Variants in MYRIP observed in about 807,000 individuals in gnomAD.
MYRIP encodes the protein rab effector MyRIP.
A neutral mutation model predicts 98.0 loss-of-function variants in MYRIP; 49 were observed. The observed-to-expected ratio is 0.50, with a 90% CI of 0.40 to 0.63. The LOEUF (loss-of-function observed/expected upper bound fraction) is 0.63. Among genes scored for constraint, MYRIP ranks in the 30% least tolerant of loss-of-function variants. The probability of loss-of-function intolerance (pLI) is 0.00; values close to 1 mark genes in which losing one functional copy is unlikely to be tolerated. For synonymous variants in MYRIP, 404 were observed against 409.5 expected (o/e 0.99, Z 0.16); for missense variants, 1,004 against 1,058.2 (o/e 0.95, Z 0.71).
intron 1 of MYRIP, among the ~76,000 whole-genome samples, chr3:39,846,974 T>G (rs1941983131): frequency 6.6e-6 from 1 of 152,172 alleles, no homozygotes; most frequent in African/African-American, 2.4e-5. Flanking sequence ...CTCATTCTTT[T>G]TGTTCTATCC....
chr3:39,993,337 A>C (rs1276964324), intron 2 of MYRIP, among the ~76,000 whole-genome samples: 1 of 152,152 alleles, frequency 6.6e-6, no homozygotes, highest in African/African-American at 2.4e-5. Flanking sequence ...TCCAGCACAT[A>C]CTTTTTGGGG....
chr3:39,811,296 C>A (rs980502444), intron 1 of MYRIP, among the ~76,000 whole-genome samples: 5 of 152,110 alleles, frequency 3.3e-5, no homozygotes, highest in Non-Finnish European at 5.9e-5. Flanking sequence ...GAAATAATCC[C>A]CGCCGCCTTT....
intron 2 of MYRIP, among the ~76,000 whole-genome samples, chr3:40,030,449 TA>T (rs370265945): frequency 2.6e-5 from 4 of 152,064 alleles, no homozygotes; most frequent in East Asian, 1.9e-4. Flanking sequence ...CTCAAAAAGT[TA>T]AAAAAAGTGT....
At chr3:39,954,981 A>T (rs1169049213) in intron 2 of MYRIP, among the ~76,000 whole-genome samples, 1 of 152,146 alleles carries the variant, frequency 6.6e-6, no homozygotes, top group Non-Finnish European at 1.5e-5. Context: ...AAAAAAAAAG[A>T]GAGAAAAGAA....
chr3:39,886,959 T>G (rs2125652721), intron 1 of MYRIP, among the ~76,000 whole-genome samples: 1 of 151,952 alleles, frequency 6.6e-6, no homozygotes, highest in South Asian at 2.1e-4. Context: ...CCTCAGCAAA[T>G]GTAAAAGAAC....
intron 7 of MYRIP, among the ~76,000 whole-genome samples, chr3:40,167,665 C>T (rs1254528754): frequency 6.6e-6 from 1 of 152,198 alleles, no homozygotes; most frequent in East Asian, 1.9e-4. Flanking sequence ...GCCCCTACTT[C>T]AGACACCAGC....
chr3:40,112,405 G>A (rs192148738), intron 3 of MYRIP, among the ~76,000 whole-genome samples: 1 of 152,288 alleles, frequency 6.6e-6, no homozygotes, highest in Non-Finnish European at 1.5e-5. Flanking sequence ...GAGAACTATG[G>A]AAGGAATGAA....
At chr3:40,030,433 C>T (rs1378480807) in intron 2 of MYRIP, among the ~76,000 whole-genome samples, 2 of 152,046 alleles carry the variant, frequency 1.3e-5, no homozygotes, top group Non-Finnish European at 2.9e-5. Context: ...AACAGTCTGG[C>T]AGTTTCTCAA....
At chr3:40,059,411 C>T (rs565156581) in intron 3 of MYRIP, among the ~76,000 whole-genome samples, 70 of 152,278 alleles carry the variant, frequency 4.6e-4, no homozygotes, top group Admixed American at 5.9e-4. Context: ...AGTGTAAAAG[C>T]GTTCCTGTTT....
intron 1 of MYRIP, among the ~76,000 whole-genome samples, chr3:39,815,720 G>A (rs1940880413): frequency 6.6e-6 from 1 of 152,016 alleles, no homozygotes; most frequent in Non-Finnish European, 1.5e-5. Flanking sequence ...ACACTGCCTA[G>A]GGCCTCTGGC....
chr3:39,877,343 G>A (rs1483778381), intron 1 of MYRIP, among the ~76,000 whole-genome samples: 18 of 152,092 alleles, frequency 1.2e-4, no homozygotes, highest in East Asian at 5.8e-4. Flanking sequence ...CTCTCAGCTC[G>A]TCAAAGTCAT....
At position 40,167,198 on chromosome 3, in the gene MYRIP, G is replaced by A. The variant is rs772574018; in HGVS notation, c.688G>A (p.Glu230Lys). 4 of 1,614,080 alleles carry A rather than the reference G, an allele frequency of 2.5e-6. No homozygotes were observed. Among genetic ancestry groups the A allele is most frequent in the Middle Eastern group, 1.6e-4 (1 of 6,084 alleles). The part of the protein sequence containing the change: ...NEASYLRDHK[E>K]ELTEELATTI... The stretch of plus-strand genomic sequence containing the variant: ...GGCCAGTTACCTGCGGGACCACAAG[G>A]AGGAGCTAACTGAGGAACTGGCCAC... Residue 230 changes from glutamate to lysine, a missense_variant, in exon 7 of 17, where the codon GAG becomes AAG. By Grantham distance (56) the Glu-to-Lys change is moderately conservative. Coordinates refer to ENST00000302541, the MANE Select transcript of MYRIP (RefSeq NM_015460.4).
At chr3:39,887,302 A>T (rs1029431746) in intron 1 of MYRIP, among the ~76,000 whole-genome samples, 1 of 151,858 alleles carries the variant, frequency 6.6e-6, no homozygotes, top group Non-Finnish European at 1.5e-5. Flanking sequence ...GAGCAAACAC[A>T]TTCAAAAGCT....
chr3:39,883,350 G>C (rs186037528), intron 1 of MYRIP, among the ~76,000 whole-genome samples: 54 of 152,286 alleles, frequency 3.5e-4, no homozygotes, highest in Non-Finnish European at 2.6e-4. Context: ...GTCAGCACCT[G>C]ACGGAAACAA....
intron 2 of MYRIP, among the ~76,000 whole-genome samples, chr3:39,939,254 AT>A (rs1395552769): frequency 6.6e-6 from 1 of 152,184 alleles, no homozygotes; most frequent in Non-Finnish European, 1.5e-5. Context: ...CCTCTAAGGA[AT>A]TTTGACATGA....
chr3:40,152,954 C>CA (rs3063626), intron 4 of MYRIP, among the ~76,000 whole-genome samples: 13 of 147,382 alleles, frequency 8.8e-5, no homozygotes, highest in African/African-American at 3.3e-4. Flanking sequence ...CTGTCTCTAC[C>CA]AAAAAAAAAA....
At chr3:39,876,593 A>T (rs1943002705) in intron 1 of MYRIP, among the ~76,000 whole-genome samples, 1 of 151,580 alleles carries the variant, frequency 6.6e-6, no homozygotes, top group Non-Finnish European at 1.5e-5. Flanking sequence ...TTTCTCCTTC[A>T]TTTATGAAGC....
intron 1 of MYRIP, among the ~76,000 whole-genome samples, chr3:39,823,114 G>A (rs1575274626): frequency 6.6e-6 from 1 of 151,066 alleles, no homozygotes; most frequent in Admixed American, 6.6e-5. Context: ...CCGCCTCCTG[G>A]GTTCAAGTGT....
At chr3:39,879,480 C>T (rs138752643) in intron 1 of MYRIP, among the ~76,000 whole-genome samples, 1 of 151,806 alleles carries the variant, frequency 6.6e-6, no homozygotes, top group African/African-American at 2.4e-5. Flanking sequence ...TTTTCTTTCT[C>T]CTAAAGTGTA....
Sources: allele counts gnomAD v4.1 joint callset (sites outside exome capture counted in the v4.1 genomes callset), GRCh38; gene constraint gnomAD v4.1.1; transcripts MANE v1.5; gene names NCBI Gene and HGNC (gene_info 2026-07-23, HGNC 2026-07-21).